Variants in XPO4 observed in about 807,000 individuals in gnomAD.
XPO4 encodes the protein exportin 4.
Under a neutral mutation model 143.0 loss-of-function variants are expected in XPO4, and 39 were observed. The observed-to-expected ratio is 0.27, with a 90% CI of 0.21 to 0.36. The LOEUF (loss-of-function observed/expected upper bound fraction) is 0.36. Among genes scored for constraint, XPO4 ranks in the 10% least tolerant of loss-of-function variants. The pLI, the probability that XPO4 is intolerant of heterozygous loss-of-function variation, is 1.00. For missense variants in XPO4, 907 were observed against 1,348.0 expected (o/e 0.67, Z 5.12); for synonymous variants, 439 against 474.0 (o/e 0.93, Z 0.96).
chr13:20,798,521 CAGGAG>C (rs2059387390), intron 16 of XPO4, among the ~76,000 whole-genome samples: 1 of 152,146 alleles, frequency 6.6e-6, no homozygotes, highest in Non-Finnish European at 1.5e-5. Context: ...TTATTCAAGA[CAGGAG>C]AATATTTCCC....
intron 6 of XPO4, among the ~76,000 whole-genome samples, chr13:20,828,787 G>GA (rs1013645314): frequency 2.0e-5 from 3 of 152,106 alleles, no homozygotes; most frequent in Non-Finnish European, 2.9e-5. Context: ...TAAAAAGGGG[G>GA]AAAAAATCAG....
At position 20,779,678 on chromosome 13, in the gene XPO4, A is replaced by T. The variant is rs886521009; in HGVS notation, c.*4044T>A. 1 of 152,618 alleles carries T rather than the reference A, an allele frequency of 6.6e-6. No individual in the cohort carries two copies. The highest frequency in any genetic ancestry group is 1.5e-5 in the Non-Finnish European group (1 of 68,030). 9.5% of individuals were successfully genotyped at this position (152,618 alleles called of 1,614,324 possible). On this transcript the variant is annotated 3_prime_UTR_variant, in exon 23 of 23. Transcript: ENST00000255305. The stretch of plus-strand genomic sequence containing the variant: ...CTTTACTAAGACTTACCCATAGAGA[A>T]CTACAGCAGGAAACCGATTTCTTCA...
At chr13:20,892,795 G>A (rs573572800) in intron 1 of XPO4, among the ~76,000 whole-genome samples, 1 of 151,980 alleles carries the variant, frequency 6.6e-6, no homozygotes, top group African/African-American at 2.4e-5. Context: ...AAAGGGGGAG[G>A]ATCGCTTCAG....
At chr13:20,851,218 A>G (rs2060082078) in intron 4 of XPO4, 8 of 985,336 alleles carry the variant, frequency 8.1e-6, no homozygotes, top group Non-Finnish European at 9.6e-6. Context: ...CTTCCTATTG[A>G]GCTAGTTTCA....
chr13:20,796,255 G>T lies in XPO4; in HGVS notation c.2618C>A (p.Ser873Tyr). 6.5e-7 allele frequency: 1 copy of T among 1,549,568 alleles called. No homozygotes were observed. The highest frequency in any genetic ancestry group is 1.3e-5 in the South Asian group (1 of 79,182). ...GGCTTCATATAAGTTCATAGCTTTG[G>T]ACTGAAAAAAAAAAAAATGCACAAA... ...AHKQICYLGESKAMNLYEACL... is the reference protein window; with the variant it reads ...AHKQICYLGEYKAMNLYEACL... The change falls in exon 18 of 23, where the codon TCC (serine) becomes TAC (tyrosine). Residue 873 changes from serine to tyrosine, a missense_variant and splice_region_variant. Transcript: ENST00000255305.
intron 1 of XPO4, among the ~76,000 whole-genome samples, chr13:20,884,390 C>T (rs2060442190): frequency 6.6e-6 from 1 of 151,694 alleles, no homozygotes; most frequent in African/African-American, 2.4e-5. Context: ...AAAATAAATA[C>T]AATATAATCC....
At chr13:20,789,566 T>TTG (rs536564978) in intron 19 of XPO4, among the ~76,000 whole-genome samples, 3,453 of 150,572 alleles carry the variant, frequency 0.023, 86 homozygotes, top group Middle Eastern at 0.072. Context: ...GGCTTTTTTT[T>TTG]TGTGTGTGTG....
intron 6 of XPO4, among the ~76,000 whole-genome samples, chr13:20,841,509 G>A (rs917693625): frequency 6.6e-6 from 1 of 152,064 alleles, no homozygotes; most frequent in Non-Finnish European, 1.5e-5. Flanking sequence ...TTGGTTATTG[G>A]GAGAAAGATG....
At chr13:20,891,956 G>C (rs181220558) in intron 1 of XPO4, among the ~76,000 whole-genome samples, 1 of 151,810 alleles carries the variant, frequency 6.6e-6, no homozygotes, top group Non-Finnish European at 1.5e-5. Flanking sequence ...GGGAAGTGGA[G>C]CTACAGACAG....
chr13:20,848,785 C>G, intron 4 of XPO4: 1 of 985,160 alleles, frequency 1.0e-6, no homozygotes, highest in South Asian at 4.7e-5. Context: ...GATGTGTTCC[C>G]TATTTTTTGG....
intron 9 of XPO4, among the ~76,000 whole-genome samples, chr13:20,816,442 A>AT (rs2059652059): frequency 1.3e-5 from 2 of 152,168 alleles, no homozygotes; most frequent in Non-Finnish European, 2.9e-5. Flanking sequence ...AGTTATTTTT[A>AT]TTTTTTCTAG....
chr13:20,831,406 A>G (rs2059850426), intron 6 of XPO4, among the ~76,000 whole-genome samples: 1 of 152,190 alleles, frequency 6.6e-6, no homozygotes, highest in Non-Finnish European at 1.5e-5. Context: ...TGTCACCACG[A>G]AAGAACAGTT....
At chr13:20,877,783 G>A (rs2060367144) in intron 1 of XPO4, among the ~76,000 whole-genome samples, 1 of 152,196 alleles carries the variant, frequency 6.6e-6, no homozygotes, top group African/African-American at 2.4e-5. Flanking sequence ...AGACAATCCA[G>A]AGTAGAAAGT....
chr13:20,783,991 G>A, intron 22 of XPO4, 72 bp from the exon 23 acceptor site: 2 of 1,476,046 alleles, frequency 1.4e-6, no homozygotes, highest in South Asian at 2.3e-5. Context: ...TCAGTTACTG[G>A]ACTGTGGGGT....
intron 3 of XPO4, chr13:20,857,932 T>A: frequency 1.0e-6 from 1 of 985,176 alleles, no homozygotes; most frequent in Non-Finnish European, 1.2e-6. Flanking sequence ...GAAAAAATTC[T>A]GTGCATGTAA....
chr13:20,807,327 T>C, intron 13 of XPO4, 130 bp downstream of exon 13: 1 of 884,424 alleles, frequency 1.1e-6, no homozygotes, highest in Non-Finnish European at 1.7e-6. Flanking sequence ...TTTCAAGGCT[T>C]CTCCAAGTTT....
chr13:20,854,296 A>G (rs1269432144), intron 4 of XPO4, among the ~76,000 whole-genome samples: 1 of 152,140 alleles, frequency 6.6e-6, no homozygotes, highest in Non-Finnish European at 1.5e-5. Flanking sequence ...GAGTGAGTTG[A>G]GCGCATAGCT....
intron 5 of XPO4, 70 bp from the exon 6 acceptor site, chr13:20,843,118 G>C (rs760910019): frequency 1.4e-6 from 2 of 1,406,250 alleles, no homozygotes; most frequent in Non-Finnish European, 9.5e-7. Flanking sequence ...TTAGAATCAT[G>C]AAACAAAACA....
intron 1 of XPO4, among the ~76,000 whole-genome samples, chr13:20,877,285 C>T (rs967957352): frequency 2.0e-5 from 3 of 152,190 alleles, no homozygotes; most frequent in Non-Finnish European, 4.4e-5. Context: ...TCCTTAGTAA[C>T]AAGACCCTAA....
Sources: gnomAD v4.1 joint callset for allele counts (sites outside exome capture counted in the v4.1 genomes callset) on GRCh38, gnomAD v4.1.1 for gene constraint, MANE v1.5 for transcripts, NCBI Gene and HGNC (gene_info 2026-07-23, HGNC 2026-07-21) for gene names.